Variants in DCPS observed in about 807,000 individuals in gnomAD.
DCPS encodes the protein m7GpppX diphosphatase.
DCPS carries 27 observed loss-of-function variants against 34.7 expected under a neutral mutation model. That is an observed-to-expected ratio of 0.78 (90% CI 0.57 to 1.07). DCPS has a LOEUF of 1.07. DCPS is among the 50% of genes least tolerant of loss of function. The pLI is 0.00. For missense variants in DCPS, 464 were observed against 436.9 expected (o/e 1.06, Z -0.55); for synonymous variants, 185 against 185.7 (o/e 1.00, Z 0.03).
chr11:126,335,357 G>C lies in DCPS; in HGVS notation c.523-2929G>C, dbSNP rs1317613579. 6.6e-6 allele frequency among the ~76,000 whole-genome samples: 1 copy of C among 152,248 alleles called. No individual in the cohort carries two copies. The highest frequency in any genetic ancestry group is 1.5e-5 in the Non-Finnish European group (1 of 68,046). ...CTCTGCCCAGTTTATCAGCAGGGCTGGCCAAGTTCTTGGGCATGGTTTCAG... is the reference window on the plus strand; with the variant it reads ...CTCTGCCCAGTTTATCAGCAGGGCTCGCCAAGTTCTTGGGCATGGTTTCAG... On this transcript the variant is annotated intron_variant, in intron 3 of 5. Transcript: ENST00000263579. The surrounding 1 kb of genome is among the most constrained non-coding windows in gnomAD (Gnocchi z 4.8).
In DCPS at chr11:126,348,256, C is replaced by T. The variant is rs115300001; in HGVS notation, c.*2643C>T. Among the ~76,000 whole-genome samples the T allele has an allele frequency of 6.4e-3, 970 of 152,302 alleles. 12 individuals are homozygous for T. Among genetic ancestry groups the T allele is most frequent in the African/African-American group, 0.02 (827 of 41,562 alleles). On this transcript the variant is annotated 3_prime_UTR_variant, in exon 6 of 6. Transcript: ENST00000263579. The surrounding 1 kb of genome is among the most constrained non-coding windows in gnomAD (Gnocchi z 5.3). Reference sequence around the variant, plus strand: ...GACTCCCCCGAGGGGCTGGCCAGTTCTGTCTTCCTTCTGCCCACTCTGTGG... The same window carrying T: ...GACTCCCCCGAGGGGCTGGCCAGTTTTGTCTTCCTTCTGCCCACTCTGTGG...
rs1951753162 is a variant in DCPS at position 126,327,972 on chromosome 11, TG to T, written c.377-3432del. On this transcript the variant is annotated intron_variant, in intron 2 of 5. Coordinates refer to ENST00000263579, the MANE Select transcript of DCPS (RefSeq NM_014026.6). The surrounding 1 kb of genome is among the most constrained non-coding windows in gnomAD (Gnocchi z 4.1). ...AGACAGAGGACCCCGAGGTTAGGGCTGCTGTTTTACCAGAGCTGACCGAGCC... is the reference window on the plus strand; with the variant it reads ...AGACAGAGGACCCCGAGGTTAGGGCTCTGTTTTACCAGAGCTGACCGAGCC... 6.6e-6 allele frequency among the ~76,000 whole-genome samples: 1 copy of T among 152,170 alleles called. No individual in the cohort carries two copies. Among genetic ancestry groups the T allele is most frequent in the African/African-American group, 2.4e-5 (1 of 41,452 alleles).
chr11:126,332,384 T>C lies in DCPS; in HGVS notation c.522+834T>C, dbSNP rs533428070. 1.7e-4 allele frequency among the ~76,000 whole-genome samples: 26 copies of C among 152,342 alleles called. No individual in the cohort carries two copies. In the South Asian group the frequency reaches 2.5e-3, roughly 15 times the overall value. ...GTGAGTACTCAGAGTTAAATATGAC[T>C]GATGCTTATTGATGAGTCAGTTTCT... On this transcript the variant is annotated intron_variant, in intron 3 of 5. Coordinates refer to ENST00000263579, the MANE Select transcript of DCPS (RefSeq NM_014026.6). This position sits in a 1 kb window ranked among gnomAD's most constrained non-coding sequence, Gnocchi z 5.4.
rs542913353 is a variant in DCPS at position 126,333,196 on chromosome 11, A to G, written c.522+1646A>G. ...GCAGTTCCATTCGGAGAAGAGCACA[A>G]TGAAAACTCCACTACTCTTCCAACT... is the stretch of plus-strand genomic sequence containing the variant. On this transcript the variant is annotated intron_variant, in intron 3 of 5. Coordinates refer to ENST00000263579, the MANE Select transcript of DCPS (RefSeq NM_014026.6). The surrounding 1 kb of genome is among the most constrained non-coding windows in gnomAD (Gnocchi z 5.7). Among the ~76,000 whole-genome samples, 3 of 152,344 alleles carry G rather than the reference A, an allele frequency of 2.0e-5. No homozygotes were observed. Among genetic ancestry groups the G allele is most frequent in the South Asian group, 4.1e-4 (2 of 4,828 alleles).
chr11:126,304,347 A>ATT (rs113633139), intron 1 of DCPS, 66 bp downstream of exon 1: 43 of 1,280,570 alleles, frequency 3.4e-5, no homozygotes, highest in East Asian at 2.4e-4. Flanking sequence ...TCGGAGGCAG[A>ATT]TTTTTTTTTT....
chr11:126,317,785 A>G (rs1951673322), intron 2 of DCPS, among the ~76,000 whole-genome samples: 2 of 152,074 alleles, frequency 1.3e-5, no homozygotes, highest in Admixed American at 1.3e-4. Context: ...GTGTGTGGAG[A>G]AGTGGGGGGG....
intron 2 of DCPS, among the ~76,000 whole-genome samples, chr11:126,318,187 T>A (rs3758824): frequency 0.069 from 10,539 of 152,262 alleles, 497 homozygotes; most frequent in East Asian, 0.18. Flanking sequence ...AGCAGCTCTG[T>A]GCTTTCCTAG....
Position 126,322,262 on chromosome 11 carries a change from T to G in DCPS, c.377-9143T>G, listed in dbSNP as rs1951712952. ...CAACAGCATTCAGATCTTCTTATTT[T>G]TATTTATTTTTATTTTTTTGAGACA... On this transcript the variant is annotated intron_variant, in intron 2 of 5. Coordinates refer to ENST00000263579, the MANE Select transcript of DCPS (RefSeq NM_014026.6). This position sits in a 1 kb window ranked among gnomAD's most constrained non-coding sequence, Gnocchi z 4.2. Among the ~76,000 whole-genome samples the G allele has an allele frequency of 6.9e-6, 1 of 144,148 alleles. No homozygotes were observed. Among genetic ancestry groups the G allele is most frequent in the Non-Finnish European group, 1.6e-5 (1 of 63,920 alleles). The allele number at this position is 144,148 out of a possible 152,430, so 94.6% of individuals were successfully genotyped here. A position where few individuals can be genotyped will look rare whatever the true frequency, so the allele number is the denominator to read the frequency against.
rs1474604370 is a variant in DCPS at position 126,347,990 on chromosome 11, G to T, written c.*2377G>T. ...CAGCCCCCAGTGGTGCTGCTGGAGG[G>T]TCTGACTCCACGGGCTCCCGCTGAC... On this transcript the variant is annotated 3_prime_UTR_variant, in exon 6 of 6. Coordinates refer to ENST00000263579, the MANE Select transcript of DCPS (RefSeq NM_014026.6). The surrounding 1 kb of genome is among the most constrained non-coding windows in gnomAD (Gnocchi z 4.2). 1.3e-5 allele frequency among the ~76,000 whole-genome samples: 2 copies of T among 152,088 alleles called. No homozygotes were observed. The highest frequency in any genetic ancestry group is 6.5e-5 in the Admixed American group (1 of 15,268).
At position 126,315,022 on chromosome 11, in the gene DCPS, C is replaced by T. The variant is rs971738742; in HGVS notation, c.376+8278C>T. 6.6e-6 allele frequency among the ~76,000 whole-genome samples: 1 copy of T among 152,054 alleles called. No homozygotes were observed. The highest frequency in any genetic ancestry group is 1.5e-5 in the Non-Finnish European group (1 of 68,022). On this transcript the variant is annotated intron_variant, in intron 2 of 5. Coordinates refer to ENST00000263579, the MANE Select transcript of DCPS (RefSeq NM_014026.6). This position sits in a 1 kb window ranked among gnomAD's most constrained non-coding sequence, Gnocchi z 6.1. ...TAAAAAAATTGCTCTACCGTAAAGA[C>T]ACATGCACACATATGTTCATTGTAG...
chr11:126,338,465 C>A lies in DCPS; in HGVS notation c.636+66C>A, dbSNP rs180969467. 4.2e-6 allele frequency: 6 copies of A among 1,438,370 alleles called. No homozygotes were observed. The East Asian group carries it at 1.1e-4, about 27-fold the overall frequency. 89.1% of individuals were successfully genotyped at this position (1,438,370 alleles called of 1,614,324 possible). A position where few individuals can be genotyped will look rare whatever the true frequency, so the allele number is the denominator to read the frequency against. ...CTGCTGTAAGTGCTGGTCCTTCTGA[C>A]TGCCCTCTTTCTCACGCTGGCCTGT... On this transcript the variant is annotated intron_variant, in intron 4 of 5. Coordinates refer to ENST00000263579, the MANE Select transcript of DCPS (RefSeq NM_014026.6). The surrounding 1 kb of genome is among the most constrained non-coding windows in gnomAD (Gnocchi z 5.4).
rs747190905 is a variant in DCPS, at chr11:126,338,346, G to A, written c.583G>A (p.Asp195Asn). The change falls in exon 4 of 6, where the codon GAT becomes AAT. Residue 195 changes from aspartate (D) to asparagine (N), a missense_variant. By Grantham distance (23) the Asp-to-Asn change is conservative. Transcript: ENST00000263579. The surrounding 1 kb of genome is among the most constrained non-coding windows in gnomAD (Gnocchi z 5.4). ...GGACCGGATTGTTTTCGAGAACCCAGATCCCTCTGATGGTTTTGTCCTCAT... is the reference window on the plus strand; with the variant it reads ...GGACCGGATTGTTTTCGAGAACCCAAATCCCTCTGATGGTTTTGTCCTCAT... The part of the protein sequence containing the change: ...EADRIVFENP[D>N]PSDGFVLIPD... 11 of 1,614,186 alleles carry A rather than the reference G, an allele frequency of 6.8e-6. No individual in the cohort carries two copies. The highest frequency in any genetic ancestry group is 1.1e-5 in the South Asian group (1 of 91,084).
chr11:126,328,677 G>A lies in DCPS; in HGVS notation c.377-2728G>A, dbSNP rs1457180213. ...GGAGCCCGGCTGGGTGACCCTGCCC[G>A]CAGAACCCGGCTGCTCTCCAGCGCC... On this transcript the variant is annotated intron_variant, in intron 2 of 5. Coordinates refer to ENST00000263579, the MANE Select transcript of DCPS (RefSeq NM_014026.6). The surrounding 1 kb of genome is among the most constrained non-coding windows in gnomAD (Gnocchi z 6.6). Among the ~76,000 whole-genome samples, 10 of 152,122 alleles carry A rather than the reference G, an allele frequency of 6.6e-5. No homozygotes were observed. Among genetic ancestry groups the A allele is most frequent in the Admixed American group, 3.3e-4 (5 of 15,274 alleles).
In DCPS at chr11:126,336,156, C is replaced by T. The variant is rs1465156062; in HGVS notation, c.523-2130C>T. 6.6e-6 allele frequency among the ~76,000 whole-genome samples: 1 copy of T among 151,754 alleles called. No homozygotes were observed. Among genetic ancestry groups the T allele is most frequent in the Non-Finnish European group, 1.5e-5 (1 of 67,970 alleles). On this transcript the variant is annotated intron_variant, in intron 3 of 5. Coordinates refer to ENST00000263579, the MANE Select transcript of DCPS (RefSeq NM_014026.6). The surrounding 1 kb of genome is among the most constrained non-coding windows in gnomAD (Gnocchi z 6.3). The stretch of plus-strand genomic sequence containing the variant: ...AAAATGGCGACAATGATAGCAGCCA[C>T]CTCTCAGGGTTGCTGTGACGCTGAG...
rs77246992 is a variant in DCPS, at chr11:126,349,955, C to T, written c.*4342C>T. Among the ~76,000 whole-genome samples, 122 of 152,250 alleles carry T rather than the reference C, an allele frequency of 8.0e-4. 3 individuals carry two copies. The East Asian group carries it at 0.023, about 28-fold the overall frequency. ...AAGCAGGAATGAAATCTGTTTCAAG[C>T]GTTTCAATTTCAATACAATTTAATA... is the stretch of plus-strand genomic sequence containing the variant. On this transcript the variant is annotated 3_prime_UTR_variant, in exon 6 of 6. Transcript: ENST00000263579. This position sits in a 1 kb window ranked among gnomAD's most constrained non-coding sequence, Gnocchi z 5.4.
chr11:126,310,864 A>G (rs759645997), intron 2 of DCPS, among the ~76,000 whole-genome samples: 1 of 152,088 alleles, frequency 6.6e-6, no homozygotes, highest in Non-Finnish European at 1.5e-5. Context: ...TGTGCCTTTG[A>G]GTTTTTCTGC....
rs1039738878 is a variant in DCPS, at chr11:126,327,020, C to T, written c.377-4385C>T. ...CCACATATACGTAGAATAATGATAA[C>T]GATGGATATAAAAAAGGGTAAAATT... On this transcript the variant is annotated intron_variant, in intron 2 of 5. Transcript: ENST00000263579. This position sits in a 1 kb window ranked among gnomAD's most constrained non-coding sequence, Gnocchi z 4.1. Among the ~76,000 whole-genome samples the T allele has an allele frequency of 9.9e-5, 15 of 151,996 alleles. No homozygotes were observed. Among genetic ancestry groups the T allele is most frequent in the Admixed American group, 7.2e-4 (11 of 15,260 alleles).
intron 2 of DCPS, among the ~76,000 whole-genome samples, chr11:126,317,922 G>A (rs1951674734): frequency 6.6e-6 from 1 of 152,084 alleles, no homozygotes; most frequent in Non-Finnish European, 1.5e-5. Context: ...CTGAAGTCGC[G>A]TTTCCCACTC....
At chr11:126,311,146 G>A (rs1228347836) in intron 2 of DCPS, among the ~76,000 whole-genome samples, 1 of 152,192 alleles carries the variant, frequency 6.6e-6, no homozygotes, top group Non-Finnish European at 1.5e-5. Flanking sequence ...CCATCCCAAC[G>A]ACATAATGGA....
Sources: gnomAD v4.1 joint callset for allele counts (sites outside exome capture counted in the v4.1 genomes callset) on GRCh38, gnomAD v4.1.1 for gene constraint, Gnocchi (gnomAD v3.1) non-coding constraint, MANE v1.5 for transcripts, NCBI Gene and HGNC (gene_info 2026-07-23, HGNC 2026-07-21) for gene names.